Variants in SYNE2 observed in about 807,000 individuals in gnomAD.
SYNE2 encodes spectrin repeat containing nuclear envelope protein 2.
In SYNE2, 431 loss-of-function variants were observed where a neutral mutation model predicts 856.3. That is an observed-to-expected ratio of 0.50 (90% CI 0.47 to 0.55). The LOEUF is 0.55. Ranked by LOEUF, SYNE2 falls within the 20% of genes least tolerant of loss-of-function variation. The pLI is 0.00. For missense variants in SYNE2, 8,129 were observed against 8,023.2 expected, an observed-to-expected ratio of 1.01 and a Z score of -0.50; for synonymous variants, 2,923 against 2,872.3, an observed-to-expected ratio of 1.02 and a Z score of -0.56.
At chr14:63,876,711 C>T (rs562745406) in intron 1 of SYNE2, among the ~76,000 whole-genome samples, 6 of 152,248 alleles carry the variant, frequency 3.9e-5, no homozygotes, top group Non-Finnish European at 7.4e-5. Flanking sequence ...TGGTCTCGAT[C>T]TCCTGACCTT....
In SYNE2 at chr14:64,113,472, G is replaced by A. The variant is rs536679511; in HGVS notation, c.12741G>A (p.Glu4247=). 18 of 1,614,194 alleles carry A rather than the reference G, an allele frequency of 1.1e-5. No homozygotes were observed. In the East Asian group the frequency reaches 4.0e-4, roughly 36 times the overall value. Reference sequence around the variant, plus strand: ...ATGCCTGCAAGACCCAGGTGGCCGAGCTGGAGCTGTGGCTGCAACAAGCCA... The same window carrying A: ...ATGCCTGCAAGACCCAGGTGGCCGAACTGGAGCTGTGGCTGCAACAAGCCA... ...VLHACKTQVA[E]LELWLQQANV... Residue 4247 remains glutamate (E), a synonymous_variant, in exon 66 of 116, where the codon GAG becomes GAA. Coordinates refer to ENST00000555002, the MANE Select transcript of SYNE2 (RefSeq NM_182914.3).
At position 64,134,055 on chromosome 14, in the gene SYNE2, C is replaced by T; in HGVS notation, c.14515-14C>T. On this transcript the variant is annotated splice_polypyrimidine_tract_variant and intron_variant, in intron 77 of 115. Transcript: ENST00000555002. ...TAAAGGGCTTCCACTAATTTTATGT[C>T]CTTGATTCTCTAGAAATGGGAAGAA... The T allele has an allele frequency of 1.2e-6, 2 of 1,613,784 alleles. No individual in the cohort carries two copies.
At chr14:63,982,954 C>A (rs910588365) in intron 17 of SYNE2, among the ~76,000 whole-genome samples, 160 bp downstream of exon 17, 2 of 152,104 alleles carry the variant, frequency 1.3e-5, no homozygotes, top group Admixed American at 6.5e-5. Context: ...CATAAGGAAA[C>A]CCTAGCAGTC....
intron 32 of SYNE2, among the ~76,000 whole-genome samples, chr14:64,012,847 A>T (rs2096857280): frequency 6.6e-6 from 1 of 152,260 alleles, no homozygotes; most frequent in Non-Finnish European, 1.5e-5. Context: ...TGACATAGGT[A>T]CTATCTTCAC....
chr14:64,209,276 G>A, intron 101 of SYNE2, 152 bp from the exon 102 acceptor site: 1 of 1,303,428 alleles, frequency 7.7e-7, no homozygotes, highest in Non-Finnish European at 1.1e-6. Context: ...CCAGGCAGGA[G>A]GAGCACAGAC....
intron 1 of SYNE2, among the ~76,000 whole-genome samples, chr14:63,829,811 G>A (rs1889600436): frequency 6.6e-6 from 1 of 151,836 alleles, no homozygotes; most frequent in South Asian, 2.1e-4. Flanking sequence ...GTAGACGGGG[G>A]TCTCACTTTG....
chr14:63,784,836 A>G (rs1386846493), intron 1 of SYNE2, among the ~76,000 whole-genome samples: 1 of 151,950 alleles, frequency 6.6e-6, no homozygotes, highest in African/African-American at 2.4e-5. Flanking sequence ...ATAAATAAGT[A>G]TAGTTTTAAA....
chr14:64,126,812 G>A lies in SYNE2; in HGVS notation c.13917+5G>A. 1 of 1,609,338 alleles carries A rather than the reference G, an allele frequency of 6.2e-7. No individual in the cohort carries two copies. The highest frequency in any genetic ancestry group is 1.1e-5 in the South Asian group (1 of 91,082). On this transcript the variant is annotated splice_donor_5th_base_variant and intron_variant, in intron 73 of 115. Transcript: ENST00000555002. ...GATTACAACCGCAGTTACCAGGTAT[G>A]ATTCCGAGCACACAGCCTATTTTGG... is the stretch of plus-strand genomic sequence containing the variant.
At chr14:64,168,009 A>G (rs2098390548) in intron 92 of SYNE2, among the ~76,000 whole-genome samples, 1 of 152,216 alleles carries the variant, frequency 6.6e-6, no homozygotes, top group South Asian at 2.1e-4. Context: ...CACCTGGTAT[A>G]ATTATAACTG....
intron 1 of SYNE2, among the ~76,000 whole-genome samples, chr14:63,876,855 C>T (rs2094734694): frequency 6.6e-6 from 1 of 152,060 alleles, no homozygotes; most frequent in South Asian, 2.1e-4. Flanking sequence ...GTGAGTTGTT[C>T]AGAGCCTCCC....
In SYNE2 at chr14:63,990,960, A is replaced by T. The variant is rs775662749; in HGVS notation, c.2491A>T (p.Ile831Phe). 2 of 1,614,142 alleles carry T rather than the reference A, an allele frequency of 1.2e-6. No homozygotes were observed. The highest frequency in any genetic ancestry group is 1.7e-6 in the Non-Finnish European group (2 of 1,180,000). ...EKVQINVVKL[I>F]AALKNLTDVS... ...CTTCAAGATCAATGTGGTAAAACTC[A>T]TTGCAGCGTTGAAGAACTTAACTGA... Residue 831 changes from isoleucine to phenylalanine, a missense_variant, in exon 21 of 116, where the codon ATT becomes TTT. This residue lies in a region of SYNE2 where 2,422 missense variants were observed against 2,357.4 expected (regional missense o/e 1.03). Transcript: ENST00000555002.
chr14:64,136,262 C>T (rs1259525210), intron 78 of SYNE2, among the ~76,000 whole-genome samples: 2 of 142,026 alleles, frequency 1.4e-5, no homozygotes, highest in Non-Finnish European at 3.0e-5. Context: ...TGTACTCCAG[C>T]CTGGGTGACA....
intron 1 of SYNE2, among the ~76,000 whole-genome samples, chr14:63,781,609 G>A (rs1887313075): frequency 6.6e-6 from 1 of 151,800 alleles, no homozygotes; most frequent in African/African-American, 2.4e-5. Context: ...TGGAGAAGAG[G>A]AGGGCTAGCA....
At chr14:64,201,943 G>A (rs1348579353) in intron 99 of SYNE2, among the ~76,000 whole-genome samples, 2 of 152,194 alleles carry the variant, frequency 1.3e-5, no homozygotes, top group Non-Finnish European at 2.9e-5. Flanking sequence ...TTTAAGGAAA[G>A]CGGTTTATTG....
At chr14:63,905,728 T>A (rs2095401072) in intron 1 of SYNE2, among the ~76,000 whole-genome samples, 1 of 152,218 alleles carries the variant, frequency 6.6e-6, no homozygotes, top group African/African-American at 2.4e-5. Flanking sequence ...AGGTATAGAA[T>A]CATATCATCA....
chr14:63,962,885 T>C (rs2096340046), intron 9 of SYNE2, among the ~76,000 whole-genome samples: 1 of 152,214 alleles, frequency 6.6e-6, no homozygotes, highest in Non-Finnish European at 1.5e-5. Flanking sequence ...TTTTCTCCTT[T>C]ACTTTCAGTG....
intron 1 of SYNE2, among the ~76,000 whole-genome samples, chr14:63,799,279 ATGTTGGCCAGGC>A (rs1888040297): frequency 6.6e-6 from 1 of 151,890 alleles, no homozygotes; most frequent in African/African-American, 2.4e-5. Flanking sequence ...GGGTTTTGCC[ATGTTGGCCAGGC>A]TGATCTTGAA....
chr14:63,985,364 C>T (rs1431314484), intron 18 of SYNE2, among the ~76,000 whole-genome samples: 2 of 149,134 alleles, frequency 1.3e-5, no homozygotes, highest in African/African-American at 2.5e-5. Flanking sequence ...TATCTGTGTA[C>T]TCCATAAATA....
intron 55 of SYNE2, among the ~76,000 whole-genome samples, chr14:64,079,525 A>G (rs2097501286): frequency 6.6e-6 from 1 of 152,260 alleles, no homozygotes; most frequent in South Asian, 2.1e-4. Context: ...CAAGATAGGG[A>G]AAAAAATGTT....
Sources: gnomAD v4.1 joint callset for allele counts (sites outside exome capture counted in the v4.1 genomes callset) on GRCh38, gnomAD v4.1.1 for gene constraint, gnomAD v4.1.1 regional missense constraint, MANE v1.5 for transcripts, NCBI Gene and HGNC (gene_info 2026-07-23, HGNC 2026-07-21) for gene names.